The following GREM2 variants were observed in gnomAD, a reference collection of about 807,000 sequenced individuals.
The protein encoded by GREM2 is gremlin-2.
A neutral mutation model predicts 14.2 loss-of-function variants in GREM2; 11 were observed. The ratio of observed to expected loss-of-function variants is 0.78; its 90% CI spans 0.49 to 1.28. GREM2 has a LOEUF of 1.28. GREM2 is among the 50% of genes most tolerant of loss of function. The pLI, the probability that GREM2 is intolerant of heterozygous loss-of-function variation, is 0.00. For synonymous variants in GREM2, 98 were observed against 97.6 expected (o/e 1.00, Z -0.02); for missense variants, 210 against 218.5 (o/e 0.96, Z 0.24).
intron 1 of GREM2, chr1:240,530,560 A>C (rs1039344871): frequency 3.9e-5 from 6 of 152,230 alleles, no homozygotes; most frequent in African/African-American, 1.4e-4. Context: ...GGTATCTTAA[A>C]ATTGTTGTGC....
chr1:240,540,490 T>C lies in GREM2; in HGVS notation c.-1-47014A>G, dbSNP rs915119986. On this transcript the variant is annotated intron_variant, in intron 1 of 1. Transcript: ENST00000318160. This position sits in a 1 kb window ranked among gnomAD's most constrained non-coding sequence, Gnocchi z 4.2. ...TTTAAAACTGAACTGAGAGATTGTGTTCTAGTAAGACTGGAATCACTACCA... is the reference window on the plus strand; with the variant it reads ...TTTAAAACTGAACTGAGAGATTGTGCTCTAGTAAGACTGGAATCACTACCA... 1.3e-5 allele frequency among the ~76,000 whole-genome samples: 2 copies of C among 152,166 alleles called. No homozygotes were observed. Among genetic ancestry groups the C allele is most frequent in the Non-Finnish European group, 2.9e-5 (2 of 68,042 alleles).
chr1:240,498,236 C>G (rs923200176), intron 1 of GREM2, among the ~76,000 whole-genome samples: 3 of 152,178 alleles, frequency 2.0e-5, no homozygotes, highest in African/African-American at 7.2e-5. Context: ...GAAGTTAGGT[C>G]TCACGGGAAG....
intron 1 of GREM2, among the ~76,000 whole-genome samples, chr1:240,496,281 C>A (rs984486644): frequency 2.6e-5 from 4 of 152,166 alleles, no homozygotes; most frequent in African/African-American, 9.7e-5. Context: ...TCTCCCCACT[C>A]CCCTGCATCT....
chr1:240,604,358 A>G (rs1679987523), intron 1 of GREM2, among the ~76,000 whole-genome samples: 1 of 151,128 alleles, frequency 6.6e-6, no homozygotes, highest in African/African-American at 2.4e-5. Flanking sequence ...ATGATATACA[A>G]TTGTCTGGTC....
At chr1:240,527,913 G>T (rs929551575) in intron 1 of GREM2, among the ~76,000 whole-genome samples, 12 of 152,112 alleles carry the variant, frequency 7.9e-5, no homozygotes, top group African/African-American at 2.9e-4. Flanking sequence ...TCATGGTTGT[G>T]TCCTGGTTTT....
intron 1 of GREM2, among the ~76,000 whole-genome samples, chr1:240,556,147 A>G (rs1284662294): frequency 6.6e-6 from 1 of 152,208 alleles, no homozygotes; most frequent in Non-Finnish European, 1.5e-5. Flanking sequence ...CTTTATAAAG[A>G]ATATTCACTT....
intron 1 of GREM2, chr1:240,531,619 C>G: frequency 1.0e-6 from 1 of 983,962 alleles, no homozygotes; most frequent in South Asian, 4.7e-5. Flanking sequence ...GGCGAGGCCA[C>G]TGCTCTGCCC....
At chr1:240,600,230 C>T (rs75092395) in intron 1 of GREM2, among the ~76,000 whole-genome samples, 5 of 148,406 alleles carry the variant, frequency 3.4e-5, no homozygotes, top group African/African-American at 7.6e-5. Flanking sequence ...AACGAGATTA[C>T]GTGTTTTCCT....
At chr1:240,544,641 T>C (rs1678677136) in intron 1 of GREM2, among the ~76,000 whole-genome samples, 1 of 152,206 alleles carries the variant, frequency 6.6e-6, no homozygotes, top group Non-Finnish European at 1.5e-5. Context: ...ATTTCATTCC[T>C]CTGTTTTTAG....
At chr1:240,570,422 A>C (rs1003434209) in intron 1 of GREM2, among the ~76,000 whole-genome samples, 4 of 152,194 alleles carry the variant, frequency 2.6e-5, no homozygotes, top group Non-Finnish European at 5.9e-5. Flanking sequence ...AGATCGCACC[A>C]CTGCACTCCT....
chr1:240,596,317 C>T (rs1399320415), intron 1 of GREM2, among the ~76,000 whole-genome samples: 4 of 152,082 alleles, frequency 2.6e-5, no homozygotes, highest in South Asian at 2.1e-4. Context: ...TAAGGAAATG[C>T]GAAACTATAG....
rs1377063510 is a variant in GREM2, at chr1:240,493,403, G to T, written c.73C>A (p.Arg25=). 2 of 1,613,274 alleles carry T rather than the reference G, an allele frequency of 1.2e-6. No homozygotes were observed. The highest frequency in any genetic ancestry group is 1.3e-5 in the African/African-American group (1 of 74,942). ...GGCGAGGGGATGGCGCCCGCCGGCC[G>T]GTTCTTCCGGGCTTCCGCCACCTTC... The part of the protein sequence containing the change: ...LVKVAEARKN[R]PAGAIPSPYK... The change falls in exon 2 of 2, where the codon CGG becomes AGG. Residue 25 remains arginine, a synonymous_variant. Coordinates refer to ENST00000318160, the MANE Select transcript of GREM2 (RefSeq NM_022469.4).
At chr1:240,497,410 C>T (rs1677451243) in intron 1 of GREM2, among the ~76,000 whole-genome samples, 1 of 151,934 alleles carries the variant, frequency 6.6e-6, no homozygotes, top group Non-Finnish European at 1.5e-5. Context: ...AATTGCCTCA[C>T]CCAATTCTGG....
chr1:240,525,749 G>T (rs1204581605), intron 1 of GREM2, among the ~76,000 whole-genome samples: 7 of 152,100 alleles, frequency 4.6e-5, no homozygotes, highest in Admixed American at 3.3e-4. Flanking sequence ...AAAATGTTGC[G>T]ATTACAGGCG....
In GREM2 at chr1:240,603,097, TAGAG is replaced by T. The variant is rs578230639; in HGVS notation, c.-2+8783_-2+8786del. ...AGACTCGTCTCAAAAAAAAATAAAA[TAGAG>T]AGAATTCCAAGGCGGTGAATGCGGT... On this transcript the variant is annotated intron_variant, in intron 1 of 1. Coordinates refer to ENST00000318160, the MANE Select transcript of GREM2 (RefSeq NM_022469.4). 1.2e-4 allele frequency among the ~76,000 whole-genome samples: 18 copies of T among 151,848 alleles called. No individual in the cohort carries two copies. In the South Asian group the frequency reaches 3.1e-3, roughly 26 times the overall value.
intron 1 of GREM2, among the ~76,000 whole-genome samples, chr1:240,502,276 G>A (rs1352819627): frequency 1.3e-5 from 2 of 152,162 alleles, no homozygotes; most frequent in Non-Finnish European, 2.9e-5. Flanking sequence ...TATACTTGCT[G>A]TATGTTAGTT....
intron 1 of GREM2, among the ~76,000 whole-genome samples, chr1:240,493,716 A>C (rs938412715): frequency 6.6e-6 from 1 of 151,522 alleles, no homozygotes; most frequent in Non-Finnish European, 1.5e-5. Context: ...TTTTTTGTAG[A>C]GACGGGATCT....
intron 1 of GREM2, among the ~76,000 whole-genome samples, chr1:240,563,131 GTGTA>G (rs373684840): frequency 0.01 from 1,570 of 150,504 alleles, 34 homozygotes; most frequent in African/African-American, 0.037. Context: ...GAGTGTGTAT[GTGTA>G]TGTGTGTGTG....
chr1:240,588,001 G>T (rs955961533), intron 1 of GREM2, among the ~76,000 whole-genome samples: 1 of 152,124 alleles, frequency 6.6e-6, no homozygotes, highest in African/African-American at 2.4e-5. Flanking sequence ...CTGTGAAACG[G>T]CACATGGAAC....
Sources: allele counts gnomAD v4.1 joint callset (sites outside exome capture counted in the v4.1 genomes callset), GRCh38; gene constraint gnomAD v4.1.1; non-coding constraint Gnocchi (gnomAD v3.1); transcripts MANE v1.5; gene names NCBI Gene and HGNC (gene_info 2026-07-23, HGNC 2026-07-21).